The following FRMPD4 variants were observed in gnomAD, a reference collection of about 807,000 sequenced individuals.
FRMPD4 encodes FERM and PDZ domain-containing protein 4.
In FRMPD4, 22 loss-of-function variants were observed where a neutral mutation model predicts 94.1. The ratio of observed to expected loss-of-function variants is 0.23; its 90% CI spans 0.17 to 0.33. The LOEUF (loss-of-function observed/expected upper bound fraction) is 0.33, where lower values mean the gene tolerates loss of function less well. FRMPD4 is among the 10% of genes least tolerant of loss of function. FRMPD4 has a pLI of 1.00. For synonymous variants in FRMPD4, 631 were observed against 548.6 expected (o/e 1.15, Z -2.10); for missense variants, 1,111 against 1,339.9 (o/e 0.83, Z 2.67).
At chrX:11,958,999 A>C (rs2054270489) in intron 3 of FRMPD4, among the ~76,000 whole-genome samples, 1 of 112,446 alleles carries the variant, frequency 8.9e-6, no homozygotes, top group Non-Finnish European at 1.9e-5. Context: ...ATGCCAAAAA[A>C]AACCCTACCA....
chrX:11,843,799 C>T (rs1240384381), intron 1 of FRMPD4, among the ~76,000 whole-genome samples: 1 of 110,178 alleles, frequency 9.1e-6, no homozygotes, highest in African/African-American at 3.3e-5. Context: ...AATTCTTCTG[C>T]CTTGGCCTTC....
chrX:12,012,025 C>T (rs559794183), intron 3 of FRMPD4, among the ~76,000 whole-genome samples: 6 of 109,553 alleles, frequency 5.5e-5, no homozygotes, highest in African/African-American at 1.3e-4. Flanking sequence ...CTCAGCCTCC[C>T]GAGTAGCTGG....
At chrX:12,454,860 A>G (rs2057316574) in intron 1 of FRMPD4, among the ~76,000 whole-genome samples, 3 of 106,540 alleles carry the variant, frequency 2.8e-5, no homozygotes, top group Admixed American at 1.0e-4. Flanking sequence ...CTAAACTTCA[A>G]GAAACTATAA....
chrX:12,427,127 T>C (rs1450985857), intron 1 of FRMPD4, among the ~76,000 whole-genome samples: 1 of 112,209 alleles, frequency 8.9e-6, no homozygotes, highest in Non-Finnish European at 1.9e-5. Flanking sequence ...TACTCACTTA[T>C]ATTTGAACAC....
At position 12,706,891 on chromosome X, in the gene FRMPD4, C is replaced by T. The variant is rs1054792981; in HGVS notation, c.1263C>T (p.Gly421=). The T allele has an allele frequency of 8.9e-7, 1 of 1,124,546 alleles. No homozygotes were observed. The highest frequency in any genetic ancestry group is 1.2e-6 in the Non-Finnish European group (1 of 823,665). 92.7% of individuals were successfully genotyped at this position (1,124,546 alleles called of 1,213,427 possible). A position where few individuals can be genotyped will look rare whatever the true frequency, so the allele number is the denominator to read the frequency against. ...TCAGTGACCTACGATTGTATGGGGG[C>T]CGTGTGTTCAAGGCAACATTAGTGG... The part of the protein sequence containing the change: ...KFLSDLRLYG[G]RVFKATLVQA... Residue 421 remains glycine (G), a synonymous_variant, in exon 12 of 17, where the codon GGC becomes GGT. Transcript: ENST00000675598.
intron 4 of FRMPD4, among the ~76,000 whole-genome samples, chrX:12,617,464 C>G (rs1311835643): frequency 8.9e-6 from 1 of 112,037 alleles, no homozygotes; most frequent in Non-Finnish European, 1.9e-5. Context: ...ATGTATGTCT[C>G]ACTAATGAAA....
chrX:12,620,178 G>T (rs1212759875), intron 4 of FRMPD4, among the ~76,000 whole-genome samples: 1 of 112,564 alleles, frequency 8.9e-6, no homozygotes, highest in Non-Finnish European at 1.9e-5. Flanking sequence ...CTCCACCTAG[G>T]GACCTGTTGA....
chrX:12,443,110 G>A (rs2057157442), intron 1 of FRMPD4, among the ~76,000 whole-genome samples: 1 of 111,220 alleles, frequency 9.0e-6, no homozygotes, highest in Admixed American at 9.5e-5. Context: ...CTGCTAACAG[G>A]CAAAGGGTTA....
intron 3 of FRMPD4, among the ~76,000 whole-genome samples, chrX:12,015,686 A>G (rs899124954): frequency 8.9e-6 from 1 of 112,616 alleles, no homozygotes; most frequent in Admixed American, 9.4e-5. Context: ...GGTAAAATAC[A>G]TACAGTTAGT....
intron 1 of FRMPD4, among the ~76,000 whole-genome samples, chrX:12,421,392 C>T: frequency 2.0e-5 from 1 of 51,272 alleles, no homozygotes; most frequent in East Asian, 7.9e-4. Flanking sequence ...GGTTAGGCTT[C>T]CATGCTCACG....
At chrX:11,842,762 C>G (rs915806015) in intron 1 of FRMPD4, among the ~76,000 whole-genome samples, 1 of 96,183 alleles carries the variant, frequency 1.0e-5, no homozygotes, top group Admixed American at 1.2e-4. Context: ...CCTAATTGCC[C>G]TGGCCAGAAC....
intron 1 of FRMPD4, among the ~76,000 whole-genome samples, chrX:12,162,547 G>A (rs757234776): frequency 8.9e-6 from 1 of 112,015 alleles, no homozygotes; most frequent in South Asian, 3.8e-4. Flanking sequence ...TTGGTAACTT[G>A]CTTCCTGTTT....
At chrX:12,514,184 C>G in intron 2 of FRMPD4, among the ~76,000 whole-genome samples, 1 of 111,609 alleles carries the variant, frequency 9.0e-6, no homozygotes, top group Non-Finnish European at 1.9e-5. Flanking sequence ...TTGACTTCCT[C>G]TCTTCCTATT....
chrX:12,142,540 A>T (rs1453455858), intron 1 of FRMPD4, among the ~76,000 whole-genome samples: 1 of 110,803 alleles, frequency 9.0e-6, no homozygotes, highest in Non-Finnish European at 1.9e-5. Context: ...AACCCCAAAG[A>T]CTCTGGATTT....
chrX:12,368,751 C>T (rs1211749701), intron 1 of FRMPD4, among the ~76,000 whole-genome samples: 4 of 110,373 alleles, frequency 3.6e-5, no homozygotes, highest in Admixed American at 9.6e-5. Context: ...TGGCGGCGGG[C>T]GCCTGTAGTC....
chrX:12,362,785 T>A (rs1166902439), intron 1 of FRMPD4, among the ~76,000 whole-genome samples: 2 of 112,064 alleles, frequency 1.8e-5, no homozygotes, highest in African/African-American at 6.5e-5. Context: ...CGCCACACTG[T>A]CTTCCACAAT....
At chrX:12,431,396 A>G (rs1385429959) in intron 1 of FRMPD4, among the ~76,000 whole-genome samples, 2 of 112,467 alleles carry the variant, frequency 1.8e-5, no homozygotes, top group African/African-American at 6.5e-5. Context: ...TGTTCAAGCA[A>G]GATTTAGATT....
chrX:12,533,836 T>C (rs1485520015), intron 2 of FRMPD4, among the ~76,000 whole-genome samples: 1 of 112,322 alleles, frequency 8.9e-6, no homozygotes, highest in Admixed American at 9.4e-5. Context: ...GCATAAAAGT[T>C]CAAAAATTTG....
chrX:12,542,771 A>C (rs1385200778), intron 2 of FRMPD4, among the ~76,000 whole-genome samples: 2 of 111,912 alleles, frequency 1.8e-5, no homozygotes, highest in Non-Finnish European at 3.8e-5. Context: ...AAAAGAGCCC[A>C]CATTGCCAAG....
Sources: gnomAD v4.1 joint callset for allele counts (sites outside exome capture counted in the v4.1 genomes callset) on GRCh38, gnomAD v4.1.1 for gene constraint, MANE v1.5 for transcripts, NCBI Gene and HGNC (gene_info 2026-07-23, HGNC 2026-07-21) for gene names.